PSD2: variants seen among roughly 807,000 people sequenced by gnomAD.
The protein encoded by PSD2 is PH and SEC7 domain-containing protein 2.
PSD2 carries 38 observed loss-of-function variants against 69.8 expected under a neutral mutation model. The observed-to-expected ratio is 0.54, with a 90% confidence interval of 0.42 to 0.71. The LOEUF (loss-of-function observed/expected upper bound fraction) is 0.71, where lower values mean the gene tolerates loss of function less well. Among genes scored for constraint, PSD2 ranks in the 30% least tolerant of loss-of-function variants. PSD2 has a pLI of 0.00. For missense variants in PSD2, 943 were observed against 1,014.5 expected, an observed-to-expected ratio of 0.93 and a Z score of 0.96; for synonymous variants, 412 against 423.0, an observed-to-expected ratio of 0.97 and a Z score of 0.32.
chr5:139,838,103 T>A (rs754520554), intron 12 of PSD2, among the ~76,000 whole-genome samples: 1 of 152,212 alleles, frequency 6.6e-6, no homozygotes, highest in African/African-American at 2.4e-5. Context: ...TTACGAATCA[T>A]CCTTCACTTT....
Position 139,837,627 on chromosome 5 carries a change from T to C in PSD2, c.1668T>C (p.Asp556=). The change falls in exon 12 of 15, where the codon GAT becomes GAC. Residue 556 remains aspartate, a splice_region_variant and synonymous_variant. Coordinates refer to ENST00000274710, the MANE Select transcript of PSD2 (RefSeq NM_032289.4). This position sits in a 1 kb window ranked among gnomAD's most constrained non-coding sequence, Gnocchi z 5.0. ...CTCGCCCATCCTGCCCCACCCAGGA[T>C]GAGTACAGGCCTGACAAAGCTCTAT... ...LKGTILYLQK[D]EYRPDKALSE... The C allele has an allele frequency of 6.3e-7, 1 of 1,596,554 alleles. No individual in the cohort carries two copies. Among genetic ancestry groups the C allele is most frequent in the South Asian group, 1.1e-5 (1 of 89,970 alleles).
the PSD2 span, among the ~76,000 whole-genome samples, chr5:139,766,933 CTTT>C: frequency 0.044 from 2,243 of 50,630 alleles, 194 homozygotes; most frequent in African/African-American, 0.053. Flanking sequence ...TCCTTCCCTT[CTTT>C]CTTTCTTTCT....
At chr5:139,831,730 T>C (rs1224862264) in intron 7 of PSD2, among the ~76,000 whole-genome samples, 1 of 152,280 alleles carries the variant, frequency 6.6e-6, no homozygotes, top group Non-Finnish European at 1.5e-5. Context: ...TGGGAAACTT[T>C]ATTGTTGCTC....
the PSD2 span, chr5:139,773,104 A>G: frequency 2.0e-5 from 3 of 152,246 alleles, no homozygotes; most frequent in Non-Finnish European, 4.4e-5. Context: ...CATTAAATAC[A>G]TTCACATTAT....
At chr5:139,783,020 C>G in the PSD2 span, among the ~76,000 whole-genome samples, 1 of 152,232 alleles carries the variant, frequency 6.6e-6, no homozygotes, top group African/African-American at 2.4e-5. Context: ...CTCCCTCCAG[C>G]CTCTGGTCAT....
rs1362320418 is a variant in PSD2, at chr5:139,809,626, G to A, written c.186G>A (p.Lys62=). The change falls in exon 2 of 15, where the codon AAG becomes AAA. Residue 62 remains lysine, a synonymous_variant. Coordinates refer to ENST00000274710, the MANE Select transcript of PSD2 (RefSeq NM_032289.4). ...GTPADTEEPT[K]DPDVAFHGLS... is the part of the protein sequence containing the mutation. Reference sequence around the variant, plus strand: ...CAGCGGACACTGAGGAACCCACGAAGGACCCAGATGTGGCCTTCCATGGCC... The same window carrying A: ...CAGCGGACACTGAGGAACCCACGAAAGACCCAGATGTGGCCTTCCATGGCC... The A allele has an allele frequency of 1.9e-6, 3 of 1,614,274 alleles. No homozygotes were observed. The highest frequency in any genetic ancestry group is 2.5e-6 in the Non-Finnish European group (3 of 1,180,052).
chr5:139,745,708 C>A, the PSD2 span, among the ~76,000 whole-genome samples: 10 of 152,240 alleles, frequency 6.6e-5, no homozygotes, highest in Non-Finnish European at 1.0e-4. Flanking sequence ...CCCTTCAGAG[C>A]AAACCCACTT....
At chr5:139,784,773 T>C in the PSD2 span, among the ~76,000 whole-genome samples, 3 of 152,106 alleles carry the variant, frequency 2.0e-5, no homozygotes, top group Non-Finnish European at 4.4e-5. Context: ...CTTTTTTTTT[T>C]GAGACGGAGT....
chr5:139,755,635 CTGTGTGTGTGTGTGTGTG>C, the PSD2 span, among the ~76,000 whole-genome samples: 1 of 146,340 alleles, frequency 6.8e-6, no homozygotes. Context: ...TGCGGCCCTG[CTGTGTGTGTGTGTGTGTG>C]TGTGTGTGTG....
At chr5:139,818,328 T>C (rs1318329995) in intron 5 of PSD2, among the ~76,000 whole-genome samples, 2 of 152,176 alleles carry the variant, frequency 1.3e-5, no homozygotes, top group Non-Finnish European at 1.5e-5. Context: ...GAAGATTACC[T>C]GAGGCCAGGA....
At chr5:139,748,460 T>G in the PSD2 span, among the ~76,000 whole-genome samples, 1 of 152,156 alleles carries the variant, frequency 6.6e-6, no homozygotes, top group Admixed American at 6.5e-5. Flanking sequence ...TGCTCGTGCA[T>G]TAGTACACTC....
the PSD2 span, among the ~76,000 whole-genome samples, chr5:139,763,487 A>G: frequency 6.6e-6 from 1 of 151,994 alleles, no homozygotes; most frequent in Non-Finnish European, 1.5e-5. Context: ...TCCACTCTGG[A>G]CTCAAGCCGA....
intron 9 of PSD2, 100 bp downstream of exon 9, chr5:139,835,866 G>C (rs1760702665): frequency 1.7e-6 from 2 of 1,155,626 alleles, no homozygotes; most frequent in East Asian, 4.7e-5. Context: ...CCATGGTGCT[G>C]ATCCCTCCCA....
upstream of PSD2, among the ~76,000 whole-genome samples, chr5:139,795,333 G>A (rs1020189750): frequency 6.6e-6 from 1 of 151,912 alleles, no homozygotes; most frequent in African/African-American, 2.4e-5. This position sits in a 1 kb window ranked among gnomAD's most constrained non-coding sequence, Gnocchi z 4.5. Flanking sequence ...CGTCTCCCGG[G>A]GGCTGGCGTG....
At chr5:139,771,279 C>T in the PSD2 span, among the ~76,000 whole-genome samples, 3 of 152,240 alleles carry the variant, frequency 2.0e-5, no homozygotes, top group East Asian at 5.8e-4. Context: ...GCTGCCCCAC[C>T]CCTGGGCACT....
At chr5:139,758,948 G>A in the PSD2 span, among the ~76,000 whole-genome samples, 1 of 148,272 alleles carries the variant, frequency 6.7e-6, no homozygotes, top group Non-Finnish European at 1.5e-5. Flanking sequence ...GGTTCTGCTG[G>A]GCCCAGCCTC....
At position 139,825,776 on chromosome 5, in the gene PSD2, G is replaced by A. The variant is rs370606787; in HGVS notation, c.1269+2992G>A. ...ACATCAGTGCGGGGAGGCCAAGGAG[G>A]CAGTAACATGGATTAGTCTGGGCCC... On this transcript the variant is annotated intron_variant, in intron 7 of 14. Transcript: ENST00000274710. Among the ~76,000 whole-genome samples the A allele has an allele frequency of 4.0e-4, 61 of 152,290 alleles. No individual in the cohort carries two copies. The South Asian group carries it at 0.01, about 25-fold the overall frequency.
At chr5:139,797,329 G>T (rs1364368579) in intron 1 of PSD2, among the ~76,000 whole-genome samples, 1 of 152,254 alleles carries the variant, frequency 6.6e-6, no homozygotes, top group African/African-American at 2.4e-5. Flanking sequence ...GCCCCCAAAA[G>T]ATTCCCACGC....
intron 14 of PSD2, 36 bp downstream of exon 14, chr5:139,840,206 C>T: frequency 1.2e-6 from 2 of 1,608,690 alleles, no homozygotes; most frequent in South Asian, 1.1e-5. Flanking sequence ...AAGCCCAGTG[C>T]CCTGCTCTTT....
Sources: gnomAD v4.1 joint callset for allele counts (sites outside exome capture counted in the v4.1 genomes callset) on GRCh38, gnomAD v4.1.1 for gene constraint, Gnocchi (gnomAD v3.1) non-coding constraint, MANE v1.5 for transcripts, NCBI Gene and HGNC (gene_info 2026-07-23, HGNC 2026-07-21) for gene names.